PCDH15: variants seen among roughly 807,000 people sequenced by gnomAD.
PCDH15 encodes protocadherin related 15.
A neutral mutation model predicts 178.5 loss-of-function variants in PCDH15; 129 were observed. The observed-to-expected ratio is 0.72, with a 90% CI of 0.63 to 0.84. The LOEUF is 0.84. Ranked by LOEUF, PCDH15 falls within the 40% of genes least tolerant of loss-of-function variation. PCDH15 has a pLI of 0.00. For missense variants in PCDH15, 2,230 were observed against 2,099.9 expected (o/e 1.06, Z -1.21); for synonymous variants, 800 against 732.0 (o/e 1.09, Z -1.50).
At chr10:55,074,577 T>C (rs1320572207) in intron 2 of PCDH15, among the ~76,000 whole-genome samples, 1 of 152,284 alleles carries the variant, frequency 6.6e-6, no homozygotes, top group African/African-American at 2.4e-5. Flanking sequence ...GGGGTTTTTT[T>C]GTAAATTTAT....
chr10:53,812,706 T>C (rs956507897), intron 35 of PCDH15, among the ~76,000 whole-genome samples: 19 of 152,198 alleles, frequency 1.2e-4, no homozygotes, highest in Non-Finnish European at 2.2e-4. Flanking sequence ...CATTTCCCTT[T>C]TAAATTCTAC....
At chr10:54,781,048 C>G (rs972626264) in intron 1 of PCDH15, among the ~76,000 whole-genome samples, 1 of 152,234 alleles carries the variant, frequency 6.6e-6, no homozygotes, top group African/African-American at 2.4e-5. Context: ...TTTATTACCT[C>G]TACCTAAGCC....
chr10:55,370,629 C>T (rs1283488277), intron 2 of PCDH15, among the ~76,000 whole-genome samples: 1 of 151,988 alleles, frequency 6.6e-6, no homozygotes, highest in Non-Finnish European at 1.5e-5. Context: ...TTTAGTGATC[C>T]TTACAAATTG....
chr10:53,845,519 T>C (rs2077914839), intron 28 of PCDH15, among the ~76,000 whole-genome samples: 1 of 151,802 alleles, frequency 6.6e-6, no homozygotes, highest in Non-Finnish European at 1.5e-5. Context: ...ATACAGTATA[T>C]ATATACAATC....
chr10:54,892,513 A>G (rs543096149), intron 3 of PCDH15, among the ~76,000 whole-genome samples: 1 of 151,974 alleles, frequency 6.6e-6, no homozygotes, highest in African/African-American at 2.4e-5. Context: ...AGTAAAGAGT[A>G]ACCAATAATT....
chr10:55,159,499 A>G (rs1179959278), intron 2 of PCDH15, among the ~76,000 whole-genome samples: 1 of 149,790 alleles, frequency 6.7e-6, no homozygotes, highest in East Asian at 2.0e-4. Flanking sequence ...ATACACACAC[A>G]CACATATACA....
At chr10:54,219,089 T>TAAAAAAAAAAA (rs746481539) in intron 9 of PCDH15, among the ~76,000 whole-genome samples, 27 of 100,012 alleles carry the variant, frequency 2.7e-4, no homozygotes, top group East Asian at 2.6e-3. Context: ...CTGTCTCTAC[T>TAAAAAAAAAAA]AAAAAAAAAA....
chr10:55,199,045 T>C (rs1357494039), intron 1 of PCDH15, among the ~76,000 whole-genome samples: 1 of 152,088 alleles, frequency 6.6e-6, no homozygotes, highest in Non-Finnish European at 1.5e-5. Flanking sequence ...AGTGGGGCAT[T>C]GCTATAAAGA....
At chr10:54,689,603 C>T (rs186067448) in intron 1 of PCDH15, among the ~76,000 whole-genome samples, 11 of 152,278 alleles carry the variant, frequency 7.2e-5, no homozygotes, top group Admixed American at 4.6e-4. Flanking sequence ...ATCTATGACA[C>T]TTCTATTAAC....
chr10:53,859,775 C>A (rs934995330), intron 27 of PCDH15, among the ~76,000 whole-genome samples: 1 of 151,998 alleles, frequency 6.6e-6, no homozygotes, highest in Non-Finnish European at 1.5e-5. Context: ...TACCAGAAAT[C>A]GGTCACACTT....
intron 2 of PCDH15, among the ~76,000 whole-genome samples, chr10:55,044,915 C>A (rs1437576022): frequency 6.6e-6 from 1 of 152,078 alleles, no homozygotes; most frequent in Non-Finnish European, 1.5e-5. Flanking sequence ...CTTCCCCAAC[C>A]TTATCAGTGT....
chr10:54,785,399 A>C (rs1477165002), intron 1 of PCDH15, among the ~76,000 whole-genome samples: 1 of 151,912 alleles, frequency 6.6e-6, no homozygotes, highest in East Asian at 1.9e-4. Context: ...TTAGCTCTCT[A>C]ATTAACTCCC....
At chr10:54,753,527 A>T (rs1378659765) in intron 1 of PCDH15, among the ~76,000 whole-genome samples, 1 of 152,068 alleles carries the variant, frequency 6.6e-6, no homozygotes, top group Admixed American at 6.6e-5. Flanking sequence ...AAAAAAACTT[A>T]AATTACATTC....
intron 1 of PCDH15, among the ~76,000 whole-genome samples, chr10:55,292,259 C>A (rs1843025668): frequency 6.6e-6 from 1 of 152,202 alleles, no homozygotes; most frequent in Non-Finnish European, 1.5e-5. Flanking sequence ...AGGTAACAGG[C>A]ATTTGGGTAA....
At chr10:54,525,385 C>T (rs1022432488) in intron 3 of PCDH15, among the ~76,000 whole-genome samples, 1 of 152,134 alleles carries the variant, frequency 6.6e-6, no homozygotes, top group African/African-American at 2.4e-5. Context: ...TGTTTTATTA[C>T]TACCAATTAA....
intron 2 of PCDH15, among the ~76,000 whole-genome samples, chr10:54,950,195 G>A (rs1469720241): frequency 6.6e-6 from 1 of 152,000 alleles, no homozygotes; most frequent in Non-Finnish European, 1.5e-5. Context: ...AGCATGGCTG[G>A]GATCCTTTGG....
At chr10:54,841,094 C>T (rs1020887034) in intron 3 of PCDH15, among the ~76,000 whole-genome samples, 1 of 151,784 alleles carries the variant, frequency 6.6e-6, no homozygotes, top group Non-Finnish European at 1.5e-5. Flanking sequence ...CAGAACATTC[C>T]ACCCATAAAC....
At chr10:54,818,341 A>T (rs1357874328) in intron 3 of PCDH15, among the ~76,000 whole-genome samples, 1 of 152,050 alleles carries the variant, frequency 6.6e-6, no homozygotes, top group Non-Finnish European at 1.5e-5. Context: ...TGCTTTCCAG[A>T]CTAGATGGCC....
Position 54,433,032 on chromosome 10 carries a change from A to G in PCDH15, c.158-54090T>C, listed in dbSNP as rs367856175. 4.0e-4 allele frequency among the ~76,000 whole-genome samples: 61 copies of G among 152,250 alleles called. 1 individual carries two copies. The highest frequency in any genetic ancestry group is 1.3e-3 in the African/African-American group (52 of 41,560). On this transcript the variant is annotated intron_variant, in intron 3 of 37. Transcript: ENST00000644397. ...AAACAACAATGAGATATCATCTTACACCAGTTAAAATAGTTTTATCCAAAA... is the reference window on the plus strand; with the variant it reads ...AAACAACAATGAGATATCATCTTACGCCAGTTAAAATAGTTTTATCCAAAA...
Sources: allele counts gnomAD v4.1 joint callset (sites outside exome capture counted in the v4.1 genomes callset), GRCh38; gene constraint gnomAD v4.1.1; transcripts MANE v1.5; gene names NCBI Gene and HGNC (gene_info 2026-07-23, HGNC 2026-07-21).